Variants in IL23R observed in about 807,000 individuals in gnomAD.
IL23R encodes the protein interleukin-23 receptor.
IL23R carries 34 observed loss-of-function variants against 56.9 expected under a neutral mutation model. The observed-to-expected ratio is 0.60, with a 90% CI of 0.45 to 0.80. The LOEUF (loss-of-function observed/expected upper bound fraction) is 0.80, where lower values mean the gene tolerates loss of function less well. Among genes scored for constraint, IL23R ranks in the 30% least tolerant of loss-of-function variants. The pLI, the probability that IL23R is intolerant of heterozygous loss-of-function variation, is 0.00. For synonymous variants in IL23R, 230 were observed against 249.2 expected (o/e 0.92, Z 0.73); for missense variants, 635 against 730.0 (o/e 0.87, Z 1.50).
At chr1:67,218,725 C>G (rs1484964933) in intron 6 of IL23R, among the ~76,000 whole-genome samples, 1 of 151,086 alleles carries the variant, frequency 6.6e-6, no homozygotes, top group East Asian at 2.0e-4. Context: ...GGAGACCAGC[C>G]TGGGCAATAT....
intron 3 of IL23R, among the ~76,000 whole-genome samples, chr1:67,176,924 A>C (rs1404981376): frequency 2.6e-5 from 4 of 152,172 alleles, no homozygotes; most frequent in South Asian, 4.1e-4. Context: ...AGCTTCATCC[A>C]TGTCCCTACA....
intron 7 of IL23R, among the ~76,000 whole-genome samples, chr1:67,233,728 T>TTTTAGTATA (rs1355981892): frequency 1.6e-4 from 25 of 152,188 alleles, no homozygotes; most frequent in Non-Finnish European, 3.2e-4. Flanking sequence ...TTTGGATTTT[T>TTTTAGTATA]TTTAGTATAT....
intron 7 of IL23R, among the ~76,000 whole-genome samples, chr1:67,220,639 A>C (rs1040356028): frequency 6.6e-6 from 1 of 152,164 alleles, no homozygotes; most frequent in African/African-American, 2.4e-5. Context: ...AGACCAAGGC[A>C]GAAAGATTGC....
chr1:67,203,770 C>T (rs1468729955), intron 5 of IL23R, among the ~76,000 whole-genome samples: 1 of 152,092 alleles, frequency 6.6e-6, no homozygotes, highest in Non-Finnish European at 1.5e-5. Context: ...ATAGCAGCTA[C>T]GGGCTGGGCT....
At chr1:67,190,455 A>AC (rs397827713) in intron 4 of IL23R, among the ~76,000 whole-genome samples, 2 of 151,464 alleles carry the variant, frequency 1.3e-5, no homozygotes, top group Admixed American at 6.6e-5. Context: ...CAAAAAAAAA[A>AC]CAAAACCAGT....
intron 1 of IL23R, among the ~76,000 whole-genome samples, chr1:67,145,852 G>T (rs891224834): frequency 2.6e-5 from 4 of 152,110 alleles, no homozygotes; most frequent in African/African-American, 9.7e-5. Flanking sequence ...TTGAATCTGG[G>T]GTAGCTCTGT....
At chr1:67,161,360 T>C (rs1646817686) in intron 1 of IL23R, among the ~76,000 whole-genome samples, 1 of 152,094 alleles carries the variant, frequency 6.6e-6, no homozygotes, top group African/African-American at 2.4e-5. Flanking sequence ...TATTTACAAA[T>C]TATCACATAT....
At chr1:67,257,948 C>T (rs768326609) in intron 10 of IL23R, among the ~76,000 whole-genome samples, 1 of 152,080 alleles carries the variant, frequency 6.6e-6, no homozygotes, top group Non-Finnish European at 1.5e-5. Flanking sequence ...AAGTGATCTG[C>T]CTGCCTTGGC....
Position 67,253,397 on chromosome 1 carries a change from C to T in IL23R, c.1149-2440C>T, listed in dbSNP as rs555031961. Among the ~76,000 whole-genome samples, 3 of 152,298 alleles carry T rather than the reference C, an allele frequency of 2.0e-5. No individual in the cohort carries two copies. The East Asian group carries it at 5.8e-4, about 29-fold the overall frequency. ...ATTAGAGTTGTTTGGTGTGGCAGTT[C>T]CCCAGTGTGTCCAGTTGCTCACAAA... On this transcript the variant is annotated intron_variant, in intron 9 of 10. Coordinates refer to ENST00000347310, the MANE Select transcript of IL23R (RefSeq NM_144701.3).
chr1:67,219,860 G>C, intron 7 of IL23R, 130 bp downstream of exon 7: 1 of 845,554 alleles, frequency 1.2e-6, no homozygotes, highest in Non-Finnish European at 2.0e-6. Context: ...GAGCCTAGGA[G>C]TTTGAGACTG....
intron 5 of IL23R, among the ~76,000 whole-genome samples, chr1:67,203,793 G>A (rs891975219): frequency 6.6e-6 from 1 of 152,176 alleles, no homozygotes; most frequent in Non-Finnish European, 1.5e-5. Context: ...AATGACATTA[G>A]GGAGGTTATG....
chr1:67,220,348 A>AAG (rs1197057292), intron 7 of IL23R, among the ~76,000 whole-genome samples: 2 of 151,936 alleles, frequency 1.3e-5, no homozygotes, highest in Non-Finnish European at 2.9e-5. Context: ...CAGCCTGGCC[A>AAG]AGAGAGAGAG....
downstream of IL23R, among the ~76,000 whole-genome samples, chr1:67,261,397 A>G (rs1653198829): frequency 1.4e-5 from 2 of 144,058 alleles, no homozygotes; most frequent in Admixed American, 1.5e-4. Flanking sequence ...CCAAAAGGGT[A>G]TTACTATTCA....
chr1:67,183,061 A>G lies in IL23R; in HGVS notation c.491+102A>G. The stretch of plus-strand genomic sequence containing the variant: ...AAGAAATCAGCCTCAAACATTAAAT[A>G]TATACCCTGATTTATCCCTTATTTC... On this transcript the variant is annotated intron_variant, in intron 4 of 10. Coordinates refer to ENST00000347310, the MANE Select transcript of IL23R (RefSeq NM_144701.3). The G allele has an allele frequency of 2.4e-6, 3 of 1,265,234 alleles. No individual in the cohort carries two copies. The Admixed American group carries it at 5.7e-5, about 24-fold the overall frequency. The allele number at this position is 1,265,234 out of a possible 1,614,324, so 78.4% of individuals were successfully genotyped here.
chr1:67,256,123 G>T (rs1052168616), intron 10 of IL23R, among the ~76,000 whole-genome samples, 196 bp downstream of exon 10: 1 of 152,172 alleles, frequency 6.6e-6, no homozygotes, highest in South Asian at 2.1e-4. Context: ...TTGGGGGAAA[G>T]AAAACAGAGA....
Position 67,206,999 on chromosome 1 carries a change from A to G in IL23R, c.742A>G (p.Ile248Val), listed in dbSNP as rs2102637504. 3.7e-6 allele frequency: 6 copies of G among 1,613,786 alleles called. No homozygotes were observed. The highest frequency in any genetic ancestry group is 1.1e-5 in the South Asian group (1 of 91,062). Residue 248 changes from isoleucine to valine, a missense_variant, in exon 6 of 11, where the codon ATT (isoleucine) becomes GTT (valine). Transcript: ENST00000347310. ...TIIYWDSQTTIEKVSCEMRYK... is the reference protein window; with the variant it reads ...TIIYWDSQTTVEKVSCEMRYK... ...AATTTATTGGGATAGTCAAACAACA[A>G]TTGAAAAGGTTTCCTGTGAAATGAG...
At chr1:67,218,348 G>GTATATATATATA (rs1472585876) in intron 6 of IL23R, among the ~76,000 whole-genome samples, 4 of 142,318 alleles carry the variant, frequency 2.8e-5, no homozygotes, top group African/African-American at 1.1e-4. Flanking sequence ...GTGTGTGTGT[G>GTATATATATATA]TGTGTGTGTG....
chr1:67,192,515 T>C (rs936254292), intron 4 of IL23R, among the ~76,000 whole-genome samples: 1 of 152,222 alleles, frequency 6.6e-6, no homozygotes, highest in African/African-American at 2.4e-5. Context: ...TTAAAATTCC[T>C]CAATGTATAT....
At position 67,198,950 on chromosome 1, in the gene IL23R, C is replaced by T. The variant is rs116774239; in HGVS notation, c.492-1787C>T. Among the ~76,000 whole-genome samples the T allele has an allele frequency of 8.0e-3, 1,210 of 152,150 alleles. 12 individuals are homozygous for T. The highest frequency in any genetic ancestry group is 0.028 in the African/African-American group (1,165 of 41,504). On this transcript the variant is annotated intron_variant, in intron 4 of 10. Transcript: ENST00000347310. Reference sequence around the variant, plus strand: ...ACAGAGCCAGACCCTGTCTCAAAATCCTTCATATCCACCCCCATTGGCTTC... The same window carrying T: ...ACAGAGCCAGACCCTGTCTCAAAATTCTTCATATCCACCCCCATTGGCTTC...
Sources: allele counts gnomAD v4.1 joint callset (sites outside exome capture counted in the v4.1 genomes callset), GRCh38; gene constraint gnomAD v4.1.1; transcripts MANE v1.5; gene names NCBI Gene and HGNC (gene_info 2026-07-23, HGNC 2026-07-21).